PRKD1: variants seen among roughly 807,000 people sequenced by gnomAD.
PRKD1 encodes the protein serine/threonine-protein kinase D1.
PRKD1 carries 63 observed loss-of-function variants against 95.9 expected under a neutral mutation model. The ratio of observed to expected loss-of-function variants is 0.66; its 90% CI spans 0.54 to 0.81. The LOEUF is 0.81. Among genes scored for constraint, PRKD1 ranks in the 30% least tolerant of loss-of-function variants. PRKD1 has a pLI of 0.00. For missense variants in PRKD1, 1,048 were observed against 1,165.3 expected (o/e 0.90, Z 1.47); for synonymous variants, 425 against 423.1 (o/e 1.00, Z -0.05).
chr14:29,889,298 T>C (rs1893853826), intron 1 of PRKD1, among the ~76,000 whole-genome samples: 1 of 152,170 alleles, frequency 6.6e-6, no homozygotes. Context: ...GGTCTACAGT[T>C]CCCAGCGAGA....
intron 1 of PRKD1, among the ~76,000 whole-genome samples, chr14:29,897,006 A>T (rs1273276494): frequency 6.6e-6 from 1 of 151,840 alleles, no homozygotes; most frequent in Admixed American, 6.6e-5. Flanking sequence ...TAATTTTTTC[A>T]TATTTTATAA....
intron 2 of PRKD1, among the ~76,000 whole-genome samples, chr14:29,699,151 C>A (rs974345773): frequency 1.3e-5 from 2 of 152,150 alleles, no homozygotes; most frequent in Non-Finnish European, 2.9e-5. Context: ...AGAAGTATTT[C>A]TACATGTGAA....
At position 29,592,505 on chromosome 14, in the gene PRKD1, T is replaced by C. The variant is rs145243599; in HGVS notation, c.2434+4986A>G. ...AGTTATACATAAATGCATTCAGTTATAATCTTTATACACAATTGTAGTTTT... is the reference window on the plus strand; with the variant it reads ...AGTTATACATAAATGCATTCAGTTACAATCTTTATACACAATTGTAGTTTT... On this transcript the variant is annotated intron_variant, in intron 16 of 17. Transcript: ENST00000331968. Among the ~76,000 whole-genome samples the C allele has an allele frequency of 3.8e-3, 581 of 152,326 alleles. 4 individuals are homozygous for C. The highest frequency in any genetic ancestry group is 0.013 in the African/African-American group (520 of 41,588).
chr14:29,727,952 T>C (rs961290095), intron 1 of PRKD1, among the ~76,000 whole-genome samples: 7 of 151,506 alleles, frequency 4.6e-5, no homozygotes, highest in East Asian at 2.0e-4. Flanking sequence ...TAGGTGGGAA[T>C]TGAACAATGA....
intron 1 of PRKD1, among the ~76,000 whole-genome samples, chr14:29,766,369 G>C (rs1888257740): frequency 6.6e-6 from 1 of 151,664 alleles, no homozygotes; most frequent in African/African-American, 2.4e-5. Flanking sequence ...ATGCTGGAAA[G>C]AGTATTCAAG....
In PRKD1 at chr14:29,782,398, A is replaced by C. The variant is rs45593232; in HGVS notation, c.265-56724T>G. Among the ~76,000 whole-genome samples, 1,109 of 152,338 alleles carry C rather than the reference A, an allele frequency of 7.3e-3. 18 individuals are homozygous for C. The highest frequency in any genetic ancestry group is 0.025 in the African/African-American group (1,029 of 41,580). Reference sequence around the variant, plus strand: ...GCAAAACCCAAAAGGTCCTAAAAAAAATACTGACTATAATTTTACATTAGA... The same window carrying C: ...GCAAAACCCAAAAGGTCCTAAAAAACATACTGACTATAATTTTACATTAGA... On this transcript the variant is annotated intron_variant, in intron 1 of 17. Coordinates refer to ENST00000331968, the MANE Select transcript of PRKD1 (RefSeq NM_002742.3).
At chr14:29,641,347 T>G (rs1486001841) in intron 4 of PRKD1, among the ~76,000 whole-genome samples, 2 of 152,204 alleles carry the variant, frequency 1.3e-5, no homozygotes, top group Non-Finnish European at 2.9e-5. Context: ...ATCACTACCT[T>G]TTCTTACAGT....
At chr14:29,687,916 A>G (rs1343499435) in intron 2 of PRKD1, among the ~76,000 whole-genome samples, 1 of 152,176 alleles carries the variant, frequency 6.6e-6, no homozygotes, top group Admixed American at 6.5e-5. Flanking sequence ...GATTTCATCT[A>G]CCTAATACTT....
At chr14:29,790,158 C>T (rs945189990) in intron 1 of PRKD1, among the ~76,000 whole-genome samples, 1 of 151,588 alleles carries the variant, frequency 6.6e-6, no homozygotes, top group South Asian at 2.1e-4. Context: ...ACTACAGGTG[C>T]GTGCCACCAC....
chr14:29,634,898 G>A (rs1405346095), intron 7 of PRKD1, among the ~76,000 whole-genome samples: 4 of 152,110 alleles, frequency 2.6e-5, no homozygotes, highest in Non-Finnish European at 5.9e-5. Context: ...AGCTGGGCAT[G>A]TTGGCGGGCA....
At chr14:29,614,089 T>G (rs1252597062) in intron 13 of PRKD1, among the ~76,000 whole-genome samples, 1 of 152,176 alleles carries the variant, frequency 6.6e-6, no homozygotes, top group Non-Finnish European at 1.5e-5. Flanking sequence ...TCATGATGAT[T>G]TTTCTCCAAT....
At chr14:29,857,822 A>T (rs1472575335) in intron 1 of PRKD1, among the ~76,000 whole-genome samples, 1 of 152,116 alleles carries the variant, frequency 6.6e-6, no homozygotes, top group Admixed American at 6.5e-5. Flanking sequence ...TGAAACCAAA[A>T]CTAGCTTATT....
chr14:29,779,940 A>G (rs1888965482), intron 1 of PRKD1, among the ~76,000 whole-genome samples: 1 of 152,166 alleles, frequency 6.6e-6, no homozygotes, highest in African/African-American at 2.4e-5. Flanking sequence ...CAAAACAGAT[A>G]TATACACCAA....
At chr14:29,663,028 A>T (rs1430516748) in intron 4 of PRKD1, among the ~76,000 whole-genome samples, 1 of 147,636 alleles carries the variant, frequency 6.8e-6, no homozygotes, top group African/African-American at 2.5e-5. Context: ...TATTAACCAT[A>T]TCCATAAGAT....
intron 13 of PRKD1, among the ~76,000 whole-genome samples, chr14:29,618,841 T>C (rs559764282): frequency 6.6e-6 from 1 of 150,930 alleles, no homozygotes; most frequent in Non-Finnish European, 1.5e-5. Flanking sequence ...AACTTTGAAG[T>C]CTTCTATCAG....
At chr14:29,851,521 C>A (rs922891759) in intron 1 of PRKD1, among the ~76,000 whole-genome samples, 1 of 152,116 alleles carries the variant, frequency 6.6e-6, no homozygotes, top group African/African-American at 2.4e-5. Flanking sequence ...TCAAAAACCA[C>A]AATGAGATAC....
At chr14:29,598,073 C>A (rs1406366110) in intron 15 of PRKD1, among the ~76,000 whole-genome samples, 1 of 149,976 alleles carries the variant, frequency 6.7e-6, no homozygotes, top group Non-Finnish European at 1.5e-5. Flanking sequence ...GACAGGAGTT[C>A]AAGACCAGTC....
chr14:29,776,514 C>A (rs1396628745), intron 1 of PRKD1, among the ~76,000 whole-genome samples: 1 of 152,032 alleles, frequency 6.6e-6, no homozygotes, highest in Non-Finnish European at 1.5e-5. Context: ...GCTTCAGTAC[C>A]CGATTCAATC....
chr14:29,716,265 G>A lies in PRKD1; in HGVS notation c.403+9271C>T, dbSNP rs45618233. Among the ~76,000 whole-genome samples the A allele has an allele frequency of 8.9e-3, 1,353 of 152,252 alleles. 18 individuals carry two copies. The highest frequency in any genetic ancestry group is 0.031 in the African/African-American group (1,301 of 41,552). Reference sequence around the variant, plus strand: ...CCACTTGCCAGATGTTGAGGAACTAGGCCTTAGGCTAATTCTGTGTGAAGA... The same window carrying A: ...CCACTTGCCAGATGTTGAGGAACTAAGCCTTAGGCTAATTCTGTGTGAAGA... On this transcript the variant is annotated intron_variant, in intron 2 of 17. Transcript: ENST00000331968.
Sources: gnomAD v4.1 joint callset for allele counts (sites outside exome capture counted in the v4.1 genomes callset) on GRCh38, gnomAD v4.1.1 for gene constraint, MANE v1.5 for transcripts, NCBI Gene and HGNC (gene_info 2026-07-23, HGNC 2026-07-21) for gene names.